The following SLC39A8 variants were observed in gnomAD, a reference collection of about 807,000 sequenced individuals.
SLC39A8 encodes solute carrier family 39 member 8.
SLC39A8 carries 15 observed loss-of-function variants against 40.4 expected under a neutral mutation model. That is an observed-to-expected ratio of 0.37 (90% CI 0.25 to 0.57). The LOEUF (loss-of-function observed/expected upper bound fraction) is 0.57, where lower values mean the gene tolerates loss of function less well. SLC39A8 is among the 20% of genes least tolerant of loss of function. The probability of loss-of-function intolerance (pLI) is 0.75; values close to 1 mark genes in which losing one functional copy is unlikely to be tolerated. For synonymous variants in SLC39A8, 223 were observed against 221.6 expected (o/e 1.01, Z -0.06); for missense variants, 472 against 558.8 (o/e 0.84, Z 1.57).
intron 2 of SLC39A8, among the ~76,000 whole-genome samples, chr4:102,340,692 T>C (rs975433400): frequency 6.6e-6 from 1 of 152,132 alleles, no homozygotes; most frequent in African/African-American, 2.4e-5. Flanking sequence ...CAAATTAGAG[T>C]GCAGCAGTCA....
At position 102,344,601 on chromosome 4, in the gene SLC39A8, A is replaced by T; in HGVS notation, c.62T>A (p.Val21Glu). The change falls in exon 2 of 9, where the codon GTG (valine) becomes GAG (glutamate). Residue 21 changes from valine (V) to glutamate (E), a missense_variant. Val to Glu is a moderately radical substitution (Grantham distance 121, BLOSUM62 -2). Transcript: ENST00000356736. Reference sequence around the variant, plus strand: ...GAAGGCTAGCCCTGGCCCCTCCGCCACTCCTCCGAGGCCGGCGGCCGCCAG... The same window carrying T: ...GAAGGCTAGCCCTGGCCCCTCCGCCTCTCCTCCGAGGCCGGCGGCCGCCAG... ...LLLAAAGLGGVAEGPGLAFSE... is the reference protein window; with the variant it reads ...LLLAAAGLGGEAEGPGLAFSE... 1 of 1,541,768 alleles carries T rather than the reference A, an allele frequency of 6.5e-7. No homozygotes were observed. The highest frequency in any genetic ancestry group is 1.7e-4 in the Middle Eastern group (1 of 5,872).
intron 6 of SLC39A8, among the ~76,000 whole-genome samples, chr4:102,295,683 A>G (rs188531469): frequency 6.6e-6 from 1 of 152,088 alleles, no homozygotes; most frequent in Non-Finnish European, 1.5e-5. Context: ...GCATGAGCCA[A>G]CAGTGCCTGG....
intron 2 of SLC39A8, among the ~76,000 whole-genome samples, chr4:102,320,997 A>G (rs1734941790): frequency 1.3e-5 from 2 of 151,958 alleles, no homozygotes; most frequent in South Asian, 2.1e-4. Flanking sequence ...ATCAAACCAT[A>G]AAAGTCTAGG....
intron 3 of SLC39A8, among the ~76,000 whole-genome samples, chr4:102,313,371 T>C (rs1369479414): frequency 2.6e-5 from 4 of 152,276 alleles, no homozygotes; most frequent in East Asian, 1.9e-4. Flanking sequence ...GCCTGTCATA[T>C]AGTAAGTACC....
At chr4:102,298,619 C>T (rs1426720702) in intron 6 of SLC39A8, among the ~76,000 whole-genome samples, 1 of 151,822 alleles carries the variant, frequency 6.6e-6, no homozygotes, top group Non-Finnish European at 1.5e-5. Flanking sequence ...TAGTGCAGAC[C>T]AGATATACAT....
intron 2 of SLC39A8, among the ~76,000 whole-genome samples, chr4:102,320,994 C>T (rs546925532): frequency 1.4e-4 from 21 of 151,620 alleles, no homozygotes; most frequent in Admixed American, 1.2e-3. Flanking sequence ...TTTATCAAAC[C>T]ATAAAAGTCT....
intron 11 of SLC39A8, among the ~76,000 whole-genome samples, chr4:102,255,396 G>C (rs1319318991): frequency 2.6e-5 from 4 of 152,142 alleles, no homozygotes; most frequent in African/African-American, 4.8e-5. Context: ...TAGAACCAAA[G>C]ACAACACAAC....
At chr4:102,294,953 A>G (rs1479062649) in intron 6 of SLC39A8, among the ~76,000 whole-genome samples, 1 of 151,882 alleles carries the variant, frequency 6.6e-6, no homozygotes, top group Non-Finnish European at 1.5e-5. Context: ...TGCTAAAGAC[A>G]AAGAGAAAAC....
intron 3 of SLC39A8, among the ~76,000 whole-genome samples, chr4:102,313,719 A>G (rs1029699936): frequency 6.6e-6 from 1 of 151,966 alleles, no homozygotes; most frequent in Non-Finnish European, 1.5e-5. Context: ...CCTCCCAAGT[A>G]GCTAGGCCTA....
intron 6 of SLC39A8, among the ~76,000 whole-genome samples, chr4:102,275,943 C>A (rs1698742741): frequency 6.6e-6 from 1 of 152,162 alleles, no homozygotes; most frequent in South Asian, 2.1e-4. Context: ...CCAATGAGAA[C>A]AAAGACACAA....
Position 102,315,664 on chromosome 4 carries a change from A to G in SLC39A8, c.382+4T>C. On this transcript the variant is annotated splice_donor_region_variant and intron_variant, in intron 3 of 8. Transcript: ENST00000356736. ...ATAAAAGAGAAAAAATGCTTCTAAT[A>G]TACCTTCTGAATGACTTGGTCTTGT... 1.9e-6 allele frequency: 3 copies of G among 1,599,692 alleles called. No individual in the cohort carries two copies.
chr4:102,338,478 G>A (rs111641384), intron 2 of SLC39A8, among the ~76,000 whole-genome samples: 10 of 152,130 alleles, frequency 6.6e-5, no homozygotes, highest in Admixed American at 2.6e-4. Flanking sequence ...TAGCCACCGC[G>A]CCCAGCCTCC....
chr4:102,316,026 A>G (rs1734641205), intron 2 of SLC39A8, among the ~76,000 whole-genome samples, 196 bp from the exon 3 acceptor site: 1 of 78,992 alleles, frequency 1.3e-5, no homozygotes, highest in South Asian at 5.5e-4. Flanking sequence ...AGAAAAATAG[A>G]AAAAAAAAAA....
intron 2 of SLC39A8, among the ~76,000 whole-genome samples, chr4:102,321,946 C>T (rs574133252): frequency 9.9e-5 from 15 of 152,262 alleles, no homozygotes; most frequent in East Asian, 7.7e-4. Flanking sequence ...TATATAAGCC[C>T]GAGTGAATTA....
intron 2 of SLC39A8, among the ~76,000 whole-genome samples, chr4:102,343,878 C>G (rs1488828103): frequency 6.6e-6 from 1 of 152,190 alleles, no homozygotes; most frequent in Non-Finnish European, 1.5e-5. Flanking sequence ...TAAGCCTAGT[C>G]TACCACCATC....
intron 6 of SLC39A8, among the ~76,000 whole-genome samples, chr4:102,271,607 G>A (rs1409462638): frequency 6.6e-6 from 1 of 152,206 alleles, no homozygotes; most frequent in Non-Finnish European, 1.5e-5. Context: ...AGGACCAGGT[G>A]GCTGTATGTG....
chr4:102,294,662 A>G (rs1578584114), intron 6 of SLC39A8, among the ~76,000 whole-genome samples: 1 of 152,182 alleles, frequency 6.6e-6, no homozygotes, highest in East Asian at 1.9e-4. Context: ...CGCTGTTGCC[A>G]TAGAAGCAAC....
chr4:102,258,966 TCTAC>T (rs1731776234), downstream of SLC39A8, among the ~76,000 whole-genome samples: 2 of 152,212 alleles, frequency 1.3e-5, no homozygotes, highest in South Asian at 4.1e-4. Flanking sequence ...GGAATATTCG[TCTAC>T]CTTTTATCCC....
chr4:102,297,247 A>AAC (rs10655738), intron 6 of SLC39A8, among the ~76,000 whole-genome samples: 65,574 of 151,618 alleles, frequency 0.43, 14,269 homozygotes, highest in Admixed American at 0.45. Context: ...AGTGTAAGGT[A>AAC]AGTTAACCAA....
Sources: gnomAD v4.1 joint callset for allele counts (sites outside exome capture counted in the v4.1 genomes callset) on GRCh38, gnomAD v4.1.1 for gene constraint, MANE v1.5 for transcripts, NCBI Gene and HGNC (gene_info 2026-07-23, HGNC 2026-07-21) for gene names.